The following IGF2BP3 variants were observed in gnomAD, a reference collection of about 807,000 sequenced individuals.
IGF2BP3 encodes insulin-like growth factor 2 mRNA-binding protein 3.
A neutral mutation model predicts 73.8 loss-of-function variants in IGF2BP3; 9 were observed. The ratio of observed to expected loss-of-function variants is 0.12; its 90% CI spans 0.07 to 0.21. IGF2BP3 has a LOEUF of 0.21. Among genes scored for constraint, IGF2BP3 ranks in the 10% least tolerant of loss-of-function variants. The pLI is 1.00. For synonymous variants in IGF2BP3, 258 were observed against 256.7 expected, an observed-to-expected ratio of 1.01 and a Z score of -0.05; for missense variants, 542 against 714.0, an observed-to-expected ratio of 0.76 and a Z score of 2.75.
chr7:23,415,815 A>G (rs1787174232), intron 3 of IGF2BP3, among the ~76,000 whole-genome samples: 1 of 151,756 alleles, frequency 6.6e-6, no homozygotes, highest in African/African-American at 2.4e-5. Flanking sequence ...TACAGTCACT[A>G]CTCTGGATTC....
chr7:23,429,861 C>T (rs984733708), intron 2 of IGF2BP3, among the ~76,000 whole-genome samples: 1 of 152,176 alleles, frequency 6.6e-6, no homozygotes, highest in Non-Finnish European at 1.5e-5. Flanking sequence ...ATTAGACCTG[C>T]AACCTTTCAT....
chr7:23,402,550 G>C (rs1042139189), intron 3 of IGF2BP3: 1 of 152,148 alleles, frequency 6.6e-6, no homozygotes, highest in Admixed American at 6.5e-5. Flanking sequence ...CCTTCCACGG[G>C]AAAGTATTTT....
chr7:23,361,338 T>C (rs184327080), intron 5 of IGF2BP3, 196 bp downstream of exon 5: 11 of 535,190 alleles, frequency 2.1e-5, no homozygotes, highest in East Asian at 9.4e-5. Flanking sequence ...ATTGAAAATG[T>C]AATACAACTT....
At chr7:23,398,012 C>T (rs1259575384) in intron 3 of IGF2BP3, among the ~76,000 whole-genome samples, 2 of 152,100 alleles carry the variant, frequency 1.3e-5, no homozygotes, top group East Asian at 3.9e-4. Context: ...TGAAGTGGTA[C>T]ACTTTGAAAG....
At chr7:23,443,102 ATTTTTTTTTTTTTT>A (rs34674050) in intron 2 of IGF2BP3, among the ~76,000 whole-genome samples, 17 of 85,816 alleles carry the variant, frequency 2.0e-4, no homozygotes, top group African/African-American at 8.0e-4. Flanking sequence ...CATTACAGTG[ATTTTTTTTTTTTTT>A]TTTTTTTTTT....
chr7:23,384,092 T>C (rs1786003721), intron 3 of IGF2BP3, among the ~76,000 whole-genome samples: 1 of 93,188 alleles, frequency 1.1e-5, no homozygotes, highest in Non-Finnish European at 1.9e-5. Flanking sequence ...CAAGACTCCA[T>C]CTCAAAAAAA....
At chr7:23,446,686 A>T (rs949985773) in intron 2 of IGF2BP3, among the ~76,000 whole-genome samples, 1 of 152,230 alleles carries the variant, frequency 6.6e-6, no homozygotes, top group African/African-American at 2.4e-5. Context: ...AATTAGTGAA[A>T]GTATTGAGAG....
intron 2 of IGF2BP3, among the ~76,000 whole-genome samples, chr7:23,439,651 C>T (rs1256770776): frequency 2.0e-5 from 3 of 150,870 alleles, no homozygotes; most frequent in East Asian, 1.9e-4. Flanking sequence ...GATTACACAA[C>T]ACACACTACC....
At chr7:23,348,088 CAA>C (rs1329634139) in intron 6 of IGF2BP3, among the ~76,000 whole-genome samples, 2 of 152,160 alleles carry the variant, frequency 1.3e-5, no homozygotes, top group Non-Finnish European at 2.9e-5. Context: ...GAGGGCATGC[CAA>C]GAGAGGAGTT....
At chr7:23,347,957 G>A (rs1784873628) in intron 6 of IGF2BP3, 5 of 508,064 alleles carry the variant, frequency 9.8e-6, no homozygotes, top group South Asian at 8.8e-5. Context: ...CCAACCAAGC[G>A]GGGACATCTT....
In IGF2BP3 at chr7:23,430,212, T is replaced by C. The variant is rs184669204; in HGVS notation, c.237-11388A>G. Among the ~76,000 whole-genome samples the C allele has an allele frequency of 4.6e-5, 7 of 152,068 alleles. 1 individual carries two copies. In the East Asian group the frequency reaches 1.4e-3, roughly 29 times the overall value. On this transcript the variant is annotated intron_variant, in intron 2 of 14. Coordinates refer to ENST00000258729, the MANE Select transcript of IGF2BP3 (RefSeq NM_006547.3). The stretch of plus-strand genomic sequence containing the variant: ...GATTCTCCTGCCTCAGCTTCCTCAG[T>C]AGCTGGGATTACAGGCGCGCGCCAC...
intron 2 of IGF2BP3, among the ~76,000 whole-genome samples, chr7:23,456,756 A>AT (rs1426830896): frequency 6.6e-6 from 1 of 152,232 alleles, no homozygotes; most frequent in Non-Finnish European, 1.5e-5. Context: ...AACATAAGAA[A>AT]TTTAGTTTTG....
chr7:23,463,528 G>T (rs1166557433), intron 2 of IGF2BP3, among the ~76,000 whole-genome samples: 1 of 152,152 alleles, frequency 6.6e-6, no homozygotes, highest in Non-Finnish European at 1.5e-5. Flanking sequence ...TATTTATTTT[G>T]AGCACAATGG....
At chr7:23,427,961 G>A (rs1173121993) in intron 2 of IGF2BP3, among the ~76,000 whole-genome samples, 6 of 151,810 alleles carry the variant, frequency 4.0e-5, no homozygotes, top group African/African-American at 1.5e-4. Context: ...AGCTGAGATC[G>A]CACCACTGCA....
intron 10 of IGF2BP3, among the ~76,000 whole-genome samples, chr7:23,335,303 G>T (rs1288153555): frequency 2.7e-5 from 4 of 148,796 alleles, no homozygotes; most frequent in African/African-American, 9.9e-5. Context: ...TTTTTTTTTG[G>T]ACAAGGTCTC....
intron 2 of IGF2BP3, among the ~76,000 whole-genome samples, chr7:23,463,333 A>T (rs1214950082): frequency 6.6e-6 from 1 of 152,224 alleles, no homozygotes; most frequent in Non-Finnish European, 1.5e-5. Context: ...CATTAACTAA[A>T]CTTGTGTCGC....
chr7:23,420,307 A>G (rs1448222268), intron 2 of IGF2BP3, among the ~76,000 whole-genome samples: 2 of 151,916 alleles, frequency 1.3e-5, no homozygotes, highest in African/African-American at 2.4e-5. Flanking sequence ...CTCTACAAAA[A>G]TCTTTTTAAA....
intron 2 of IGF2BP3, among the ~76,000 whole-genome samples, chr7:23,442,784 G>A (rs1249273484): frequency 2.0e-5 from 3 of 152,048 alleles, no homozygotes; most frequent in South Asian, 4.1e-4. Flanking sequence ...AGGAGTTACA[G>A]TTTCAATTTT....
chr7:23,415,333 C>T (rs1787155592), intron 3 of IGF2BP3: 3 of 234,094 alleles, frequency 1.3e-5, no homozygotes, highest in South Asian at 8.0e-5. Flanking sequence ...TCGGCTTCAC[C>T]GCATCCGCAG....
Sources: allele counts gnomAD v4.1 joint callset (sites outside exome capture counted in the v4.1 genomes callset), GRCh38; gene constraint gnomAD v4.1.1; transcripts MANE v1.5; gene names NCBI Gene and HGNC (gene_info 2026-07-23, HGNC 2026-07-21).